FLT4: variants seen among roughly 807,000 people sequenced by gnomAD.
FLT4 encodes vascular endothelial growth factor receptor 3.
In FLT4, 30 loss-of-function variants were observed where a neutral mutation model predicts 163.2. That is an observed-to-expected ratio of 0.18 (90% CI 0.14 to 0.25). The LOEUF is 0.25. Ranked by LOEUF, FLT4 falls within the 10% of genes least tolerant of loss-of-function variation. The pLI, the probability that FLT4 is intolerant of heterozygous loss-of-function variation, is 1.00. For missense variants in FLT4, 1,510 were observed against 1,863.8 expected, an observed-to-expected ratio of 0.81 and a Z score of 3.50; for synonymous variants, 884 against 789.5, an observed-to-expected ratio of 1.12 and a Z score of -2.01.
At chr5:180,609,119 C>A in intron 28 of FLT4, 66 bp from the exon 29 acceptor site, 1 of 1,399,648 alleles carries the variant, frequency 7.1e-7, no homozygotes, top group African/African-American at 1.4e-5. Flanking sequence ...CAGCCACCCC[C>A]AGCCAGGAAA....
At chr5:180,626,941 T>A (rs1763666805) in intron 8 of FLT4, among the ~76,000 whole-genome samples, 1 of 152,256 alleles carries the variant, frequency 6.6e-6, no homozygotes, top group Admixed American at 6.5e-5. Flanking sequence ...GACTGTCCTA[T>A]GCTGTGGCCT....
chr5:180,649,791 C>G (rs1463641553), upstream of FLT4, among the ~76,000 whole-genome samples: 1 of 151,944 alleles, frequency 6.6e-6, no homozygotes, highest in Non-Finnish European at 1.5e-5. Context: ...CGGCTCCGGG[C>G]GCGGGGACGC....
rs1219882818 is a variant in FLT4, at chr5:180,617,002, G to A, written c.3002-8C>T. The A allele has an allele frequency of 6.2e-7, 1 of 1,609,306 alleles. No individual in the cohort carries two copies. Among genetic ancestry groups the A allele is most frequent in the Admixed American group, 1.7e-5 (1 of 60,006 alleles). The stretch of plus-strand genomic sequence containing the variant: ...TCAGCCACAGGTCCTCAGCTACACA[G>A]TGGAGCCAGGTGGGCTCAGGAGGCG... On this transcript the variant is annotated splice_polypyrimidine_tract_variant and splice_region_variant and intron_variant, in intron 21 of 29. Transcript: ENST00000261937.
chr5:180,607,059 C>T (rs532166848), intron 29 of FLT4, among the ~76,000 whole-genome samples: 8 of 151,952 alleles, frequency 5.3e-5, no homozygotes, highest in Non-Finnish European at 1.2e-4. Context: ...GCCTGGGTGA[C>T]GGAGTGAGAC....
At chr5:180,627,779 G>A (rs536617493) in intron 8 of FLT4, among the ~76,000 whole-genome samples, 3 of 152,320 alleles carry the variant, frequency 2.0e-5, no homozygotes, top group South Asian at 4.1e-4. Flanking sequence ...TGGCCTTGGA[G>A]GGCAGGGGAC....
chr5:180,626,373 AGTGCAGG>A (rs1470280423), intron 8 of FLT4, 108 bp from the exon 9 acceptor site: 8 of 1,253,824 alleles, frequency 6.4e-6, no homozygotes, highest in Non-Finnish European at 8.0e-6. Flanking sequence ...GGCTGGCAGG[AGTGCAGG>A]GTAGGACGGG....
intron 29 of FLT4, chr5:180,608,330 C>T: frequency 1.4e-6 from 1 of 700,866 alleles, no homozygotes; most frequent in East Asian, 2.7e-5. Context: ...CTTGCTTCAC[C>T]TTATCAATCA....
At position 180,616,936 on chromosome 5, in the gene FLT4, C is replaced by T. The variant is rs767344774; in HGVS notation, c.3060G>A (p.Gln1020=). ...TMEDLVCYSF[Q]VARGMEFLAS... is the part of the protein sequence containing the mutation. ...CCAGGAACTCCATCCCTCTGGCCACCTGGAAGCTGTAGCAGACAAGATCTT... is the reference window on the plus strand; with the variant it reads ...CCAGGAACTCCATCCCTCTGGCCACTTGGAAGCTGTAGCAGACAAGATCTT... The change falls in exon 22 of 30, where the codon CAG becomes CAA. Residue 1020 remains glutamine (Q), a synonymous_variant. Transcript: ENST00000261937. 5 of 1,613,360 alleles carry T rather than the reference C, an allele frequency of 3.1e-6. No individual in the cohort carries two copies. In the East Asian group the frequency reaches 6.7e-5, roughly 22 times the overall value.
At chr5:180,638,951 CACAGAGT>C in intron 1 of FLT4, among the ~76,000 whole-genome samples, 1 of 137,626 alleles carries the variant, frequency 7.3e-6, no homozygotes, top group Non-Finnish European at 1.5e-5. Flanking sequence ...CAGCACCTGG[CACAGAGT>C]AAAGTCTCAG....
At chr5:180,611,880 G>C (rs921644299) in intron 26 of FLT4, among the ~76,000 whole-genome samples, 2 of 152,192 alleles carry the variant, frequency 1.3e-5, no homozygotes, top group Admixed American at 6.5e-5. Context: ...GCAGGCTGGG[G>C]CTCAGCCGGA....
intron 1 of FLT4, among the ~76,000 whole-genome samples, chr5:180,634,030 T>G (rs1317349724): frequency 6.6e-6 from 1 of 152,178 alleles, no homozygotes; most frequent in Non-Finnish European, 1.5e-5. Flanking sequence ...GGCTCCCCTC[T>G]GTTCCCAAGA....
In FLT4 at chr5:180,630,632, C is replaced by G. The variant is rs1175230063; in HGVS notation, c.323G>C (p.Ser108Thr). ...GATGTACTTGTAGTAGCAGACGTAGCTGCCTGTGTCGTTGGCATGTACCTC... is the reference window on the plus strand; with the variant it reads ...GATGTACTTGTAGTAGCAGACGTAGGTGCCTGTGTCGTTGGCATGTACCTC... ...LHEVHANDTGSYVCYYKYIKA... is the reference protein window; with the variant it reads ...LHEVHANDTGTYVCYYKYIKA... Residue 108 changes from serine (S) to threonine (T), a missense_variant, in exon 3 of 30, where the codon AGC becomes ACC. Transcript: ENST00000261937. This position sits in a 1 kb window ranked among gnomAD's most constrained non-coding sequence, Gnocchi z 6.3. 1 of 1,613,158 alleles carries G rather than the reference C, an allele frequency of 6.2e-7. No homozygotes were observed. The highest frequency in any genetic ancestry group is 1.7e-5 in the Admixed American group (1 of 60,030).
In FLT4 at chr5:180,620,809, A is replaced by G. The variant is rs535644501; in HGVS notation, c.2299+67T>C. The G allele has an allele frequency of 1.2e-5, 19 of 1,606,342 alleles. No homozygotes were observed. The East Asian group carries it at 2.0e-4, about 17-fold the overall frequency. On this transcript the variant is annotated intron_variant, in intron 15 of 29. Transcript: ENST00000261937. This position sits in a 1 kb window ranked among gnomAD's most constrained non-coding sequence, Gnocchi z 4.4. The stretch of plus-strand genomic sequence containing the variant: ...CCTTCTGGTGGCCACGACTTGCCCA[A>G]GGTGGCCACAAGAAAGCGTTAACTG...
chr5:180,640,373 C>T (rs1581707145), intron 1 of FLT4, among the ~76,000 whole-genome samples: 1 of 152,234 alleles, frequency 6.6e-6, no homozygotes. Flanking sequence ...CGGTCCCTGC[C>T]CCAGGACCAG....
At chr5:180,617,797 C>A (rs113840370) in intron 21 of FLT4, among the ~76,000 whole-genome samples, 1 of 33,858 alleles carries the variant, frequency 3.0e-5, no homozygotes, top group Admixed American at 2.2e-4. Flanking sequence ...CTCTCCTGCC[C>A]CTCAGCCTCT....
At chr5:180,611,542 C>T in intron 26 of FLT4, 63 bp from the exon 27 acceptor site, 1 of 1,561,652 alleles carries the variant, frequency 6.4e-7, no homozygotes, top group South Asian at 1.2e-5. Context: ...AGCCCTCGCC[C>T]CCACCCTCAG....
At chr5:180,626,490 T>A (rs1763627704) in intron 8 of FLT4, among the ~76,000 whole-genome samples, 1 of 152,158 alleles carries the variant, frequency 6.6e-6, no homozygotes, top group Admixed American at 6.5e-5. Flanking sequence ...GCTCGGGCAT[T>A]GGTCACTGAG....
chr5:180,606,618 T>G (rs960856944), intron 29 of FLT4, among the ~76,000 whole-genome samples: 1 of 152,224 alleles, frequency 6.6e-6, no homozygotes, highest in African/African-American at 2.4e-5. Flanking sequence ...AGGTTTGAAT[T>G]TACGTGGCGA....
At chr5:180,603,641 C>T (rs1761625976) in intron 29 of FLT4, among the ~76,000 whole-genome samples, 1 of 152,216 alleles carries the variant, frequency 6.6e-6, no homozygotes, top group Admixed American at 6.5e-5. Context: ...GTGGCTCATG[C>T]CTGTAATCCC....
Sources: allele counts gnomAD v4.1 joint callset (sites outside exome capture counted in the v4.1 genomes callset), GRCh38; gene constraint gnomAD v4.1.1; non-coding constraint Gnocchi (gnomAD v3.1); transcripts MANE v1.5; gene names NCBI Gene and HGNC (gene_info 2026-07-23, HGNC 2026-07-21).